The following ESR1 variants were observed in gnomAD, a reference collection of about 807,000 sequenced individuals.
ESR1 encodes the protein estrogen receptor 1.
A neutral mutation model predicts 52.7 loss-of-function variants in ESR1; 12 were observed. The ratio of observed to expected loss-of-function variants is 0.23; its 90% CI spans 0.15 to 0.37. The LOEUF (loss-of-function observed/expected upper bound fraction) is 0.37, where lower values mean the gene tolerates loss of function less well. Among genes scored for constraint, ESR1 ranks in the 10% least tolerant of loss-of-function variants. The pLI is 1.00. For missense variants in ESR1, 584 were observed against 779.7 expected (o/e 0.75, Z 2.99); for synonymous variants, 305 against 316.8 (o/e 0.96, Z 0.39).
At chr6:152,011,250 A>T (rs921825515) in intron 4 of ESR1, among the ~76,000 whole-genome samples, 17 of 152,108 alleles carry the variant, frequency 1.1e-4, no homozygotes, top group African/African-American at 4.1e-4. Context: ...CCCAATTCCT[A>T]TTGGGCATAA....
chr6:151,686,062 C>G (rs894331817), upstream of ESR1, among the ~76,000 whole-genome samples: 54 of 111,308 alleles, frequency 4.9e-4, no homozygotes, highest in African/African-American at 3.1e-3. Flanking sequence ...CTAATTAAAA[C>G]AATTTTTTTT....
At chr6:152,034,209 A>G (rs1425864255) in intron 5 of ESR1, among the ~76,000 whole-genome samples, 1 of 152,096 alleles carries the variant, frequency 6.6e-6, no homozygotes, top group Non-Finnish European at 1.5e-5. Context: ...TAATGGGTGC[A>G]GCACACCAAC....
At chr6:151,862,239 T>C (rs753238811) in intron 2 of ESR1, among the ~76,000 whole-genome samples, 22 of 152,214 alleles carry the variant, frequency 1.4e-4, no homozygotes, top group Non-Finnish European at 2.8e-4. Flanking sequence ...ATCTGACTAG[T>C]ACGACTGCAA....
chr6:151,825,999 G>T (rs1027706170), intron 1 of ESR1, among the ~76,000 whole-genome samples: 3 of 151,996 alleles, frequency 2.0e-5, no homozygotes, highest in African/African-American at 7.2e-5. Flanking sequence ...TGGAAGTGGA[G>T]GTGACTAGGT....
chr6:152,126,340 G>C (rs2053443359), exon 7 of ESR1: 1 of 152,138 alleles, frequency 6.6e-6, no homozygotes, highest in African/African-American at 2.4e-5. Flanking sequence ...GAAGCTAATG[G>C]TCCCAGGGAA....
Position 152,101,492 on chromosome 6 carries a change from C to T in ESR1, c.*2526C>T, listed in dbSNP as rs777960039. On this transcript the variant is annotated 3_prime_UTR_variant, in exon 8 of 8. Transcript: ENST00000206249. ...TGTTTCTATTCATGTTAAGATACTACTACATTTGAAGTGGGCAGAGAACAT... is the reference window on the plus strand; with the variant it reads ...TGTTTCTATTCATGTTAAGATACTATTACATTTGAAGTGGGCAGAGAACAT... The T allele has an allele frequency of 8.6e-6, 2 of 232,304 alleles. No homozygotes were observed. The highest frequency in any genetic ancestry group is 1.1e-4 in the Admixed American group (2 of 17,758). The allele number at this position is 232,304 out of a possible 1,614,324, so 14.4% of individuals were successfully genotyped here. A position where few individuals can be genotyped will look rare whatever the true frequency, so the allele number is the denominator to read the frequency against.
intron 2 of ESR1, among the ~76,000 whole-genome samples, chr6:151,862,771 A>G (rs1789120838): frequency 6.6e-6 from 1 of 152,132 alleles, no homozygotes. Context: ...AAAGAACTGT[A>G]GTAGTTTTCT....
chr6:151,864,623 A>G (rs1484150849), intron 2 of ESR1, among the ~76,000 whole-genome samples: 2 of 152,208 alleles, frequency 1.3e-5, no homozygotes, highest in African/African-American at 4.8e-5. Flanking sequence ...ATGCTGCTAT[A>G]AAGACACATG....
downstream of ESR1, among the ~76,000 whole-genome samples, chr6:152,104,519 T>C (rs2051038863): frequency 6.6e-6 from 1 of 152,236 alleles, no homozygotes; most frequent in Admixed American, 6.5e-5. Context: ...TTTACATTTT[T>C]CACGTTATTA....
At chr6:152,035,662 A>G (rs1043406469) in intron 5 of ESR1, among the ~76,000 whole-genome samples, 1 of 152,236 alleles carries the variant, frequency 6.6e-6, no homozygotes, top group African/African-American at 2.4e-5. Flanking sequence ...ATTCAGTTCT[A>G]AAGTCATAAA....
chr6:151,901,806 A>G (rs1314430075), intron 3 of ESR1, among the ~76,000 whole-genome samples: 5 of 152,152 alleles, frequency 3.3e-5, no homozygotes, highest in Non-Finnish European at 5.9e-5. Context: ...TGGGTCCTGT[A>G]GGAGCAAACT....
At chr6:151,899,023 G>T (rs1297802936) in intron 3 of ESR1, among the ~76,000 whole-genome samples, 1 of 149,700 alleles carries the variant, frequency 6.7e-6, no homozygotes, top group East Asian at 2.0e-4. Flanking sequence ...CTGGCCGGGC[G>T]GGGGGCTGAA....
chr6:152,067,762 G>T (rs2048076644), intron 6 of ESR1, among the ~76,000 whole-genome samples: 2 of 152,190 alleles, frequency 1.3e-5, no homozygotes, highest in South Asian at 2.1e-4. Context: ...GGGAGGCAGA[G>T]GTTGCAGTGA....
chr6:151,779,624 C>T (rs1295265624), intron 2 of ESR1, among the ~76,000 whole-genome samples: 1 of 152,110 alleles, frequency 6.6e-6, no homozygotes, highest in African/African-American at 2.4e-5. Flanking sequence ...GGCGATTCCT[C>T]AAGGATCTAG....
At chr6:152,105,597 T>C (rs2051055249), downstream of ESR1, among the ~76,000 whole-genome samples, 1 of 150,944 alleles carries the variant, frequency 6.6e-6, no homozygotes. Flanking sequence ...GGTTAATTTT[T>C]ATATTTTTAG....
At chr6:151,852,639 G>T (rs370586187) in intron 2 of ESR1, among the ~76,000 whole-genome samples, 38 of 127,894 alleles carry the variant, frequency 3.0e-4, no homozygotes, top group South Asian at 7.7e-4. Flanking sequence ...CCAAGCAGGT[G>T]TTTTTTTTTT....
chr6:151,814,515 T>C (rs1275319597), intron 1 of ESR1, among the ~76,000 whole-genome samples: 1 of 152,188 alleles, frequency 6.6e-6, no homozygotes, highest in Non-Finnish European at 1.5e-5. Flanking sequence ...TCATCTGTTA[T>C]TTTAATGAAA....
At chr6:152,065,873 A>C (rs1316867928) in intron 6 of ESR1, among the ~76,000 whole-genome samples, 2 of 152,146 alleles carry the variant, frequency 1.3e-5, no homozygotes, top group East Asian at 3.8e-4. Flanking sequence ...TTTCTCTTTC[A>C]ATTGGTGGAA....
chr6:151,786,777 AGT>A (rs1175224077), intron 2 of ESR1, among the ~76,000 whole-genome samples: 2 of 151,334 alleles, frequency 1.3e-5, no homozygotes. Context: ...TCCCAGCCTT[AGT>A]TATTGAATAA....
Sources: allele counts gnomAD v4.1 joint callset (sites outside exome capture counted in the v4.1 genomes callset), GRCh38; gene constraint gnomAD v4.1.1; transcripts MANE v1.5; gene names NCBI Gene and HGNC (gene_info 2026-07-23, HGNC 2026-07-21).